Variants in ERN1 observed in about 807,000 individuals in gnomAD.
ERN1 encodes the protein serine/threonine-protein kinase/endoribonuclease IRE1.
A neutral mutation model predicts 113.1 loss-of-function variants in ERN1; 39 were observed. The ratio of observed to expected loss-of-function variants is 0.34; its 90% CI spans 0.27 to 0.45. The LOEUF is 0.45. Ranked by LOEUF, ERN1 falls within the 20% of genes least tolerant of loss-of-function variation. The pLI, the probability that ERN1 is intolerant of heterozygous loss-of-function variation, is 1.00. For missense variants in ERN1, 976 were observed against 1,274.8 expected, an observed-to-expected ratio of 0.77 and a Z score of 3.57; for synonymous variants, 507 against 515.9, an observed-to-expected ratio of 0.98 and a Z score of 0.23.
chr17:64,089,073 A>T (rs929073413), intron 2 of ERN1, among the ~76,000 whole-genome samples: 5 of 152,164 alleles, frequency 3.3e-5, no homozygotes, highest in African/African-American at 1.2e-4. Flanking sequence ...TAATCCCAGC[A>T]CTTTGGGAGG....
At position 64,063,904 on chromosome 17, in the gene ERN1, G is replaced by A. The variant is rs187066225; in HGVS notation, c.1087+82C>T. ...GCACAAGGCCTTCCGAGCTCAGTAC[G>A]GTGTAACTACCAGGGCCGGCGGTCG... On this transcript the variant is annotated intron_variant, in intron 10 of 21. Coordinates refer to ENST00000433197, the MANE Select transcript of ERN1 (RefSeq NM_001433.5). This position sits in a 1 kb window ranked among gnomAD's most constrained non-coding sequence, Gnocchi z 5.1. 5.8e-6 allele frequency: 8 copies of A among 1,369,590 alleles called. No individual in the cohort carries two copies. The highest frequency in any genetic ancestry group is 4.3e-5 in the African/African-American group (3 of 70,380). 84.8% of individuals were successfully genotyped at this position (1,369,590 alleles called of 1,614,324 possible).
At chr17:64,060,353 C>T (rs1913013968) in intron 11 of ERN1, 116 bp downstream of exon 11, 1 of 703,680 alleles carries the variant, frequency 1.4e-6, no homozygotes, top group Non-Finnish European at 2.6e-6. Flanking sequence ...GATTCTGGTG[C>T]ATTCCTCTTC....
At chr17:64,078,478 T>A (rs1051877025) in intron 4 of ERN1, among the ~76,000 whole-genome samples, 2 of 152,234 alleles carry the variant, frequency 1.3e-5, no homozygotes, top group African/African-American at 4.8e-5. Context: ...ATCAATATAT[T>A]GATTTTTTCC....
chr17:64,094,390 ATTTG>A (rs2143445445), intron 2 of ERN1, among the ~76,000 whole-genome samples: 1 of 152,072 alleles, frequency 6.6e-6, no homozygotes, highest in African/African-American at 2.4e-5. Flanking sequence ...CTTTCCTATT[ATTTG>A]TTTTAGATTA....
chr17:64,119,667 C>T (rs1022750247), intron 1 of ERN1, among the ~76,000 whole-genome samples: 3 of 151,996 alleles, frequency 2.0e-5, no homozygotes, highest in African/African-American at 7.2e-5. Context: ...GCTGGGATTA[C>T]AGGCATGAGC....
chr17:64,080,161 G>C (rs1213641003), intron 3 of ERN1, among the ~76,000 whole-genome samples: 3 of 152,308 alleles, frequency 2.0e-5, no homozygotes, highest in African/African-American at 4.8e-5. Flanking sequence ...TCTGCTTTTA[G>C]TTTTCAAGAG....
In ERN1 at chr17:64,041,005, G is replaced by C. The variant is rs982305384; in HGVS notation, c.*2983C>G. On this transcript the variant is annotated 3_prime_UTR_variant, in exon 22 of 22. Coordinates refer to ENST00000433197, the MANE Select transcript of ERN1 (RefSeq NM_001433.5). ...CTAAAAAAAATATAAAAAATTAGCCGAGCGTGGTGGCACACACCTGTAATC... is the reference window on the plus strand; with the variant it reads ...CTAAAAAAAATATAAAAAATTAGCCCAGCGTGGTGGCACACACCTGTAATC... 2 of 152,120 alleles carry C rather than the reference G, an allele frequency of 1.3e-5. No homozygotes were observed. The highest frequency in any genetic ancestry group is 2.9e-5 in the Non-Finnish European group (2 of 68,038). The allele number at this position is 152,120 out of a possible 1,614,324, so 9.4% of individuals were successfully genotyped here. A position where few individuals can be genotyped will look rare whatever the true frequency, so the allele number is the denominator to read the frequency against.
In ERN1 at chr17:64,057,957, G is replaced by C. The variant is rs1401074243; in HGVS notation, c.1243C>G (p.Pro415Ala). The C allele has an allele frequency of 1.3e-6, 2 of 1,596,984 alleles. No homozygotes were observed. Among genetic ancestry groups the C allele is most frequent in the East Asian group, 4.5e-5 (2 of 44,474 alleles). Residue 415 changes from proline to alanine, a missense_variant, in exon 12 of 22, where the codon CCT becomes GCT. Transcript: ENST00000433197. ...NLVDQTSENA[P>A]TTVSRDVEEK... The stretch of plus-strand genomic sequence containing the variant: ...TCCACATCCCGAGACACGGTGGTAG[G>C]TGCGTTTTCTGAAGTCTGGTCAACC...
Position 64,052,998 on chromosome 17 carries a change from T to A in ERN1, c.2054-19A>T, listed in dbSNP as rs1598046718. The A allele has an allele frequency of 6.3e-7, 1 of 1,583,544 alleles. No homozygotes were observed. Among genetic ancestry groups the A allele is most frequent in the East Asian group, 2.3e-5 (1 of 43,840 alleles). On this transcript the variant is annotated intron_variant, in intron 16 of 21. Transcript: ENST00000433197. ...CTGTGAACTAACAGAGAACTCCAGA[T>A]TAGTCCAATGCTTACCAGGAGCAAC...
At chr17:64,048,236 G>A (rs912506807) in intron 18 of ERN1, among the ~76,000 whole-genome samples, 14 of 152,180 alleles carry the variant, frequency 9.2e-5, no homozygotes, top group African/African-American at 2.9e-4. Context: ...GCCTCCCTAC[G>A]CTGGGCCATG....
At chr17:64,066,642 C>A (rs1184386990) in intron 8 of ERN1, 29 bp downstream of exon 8, 7 of 1,610,632 alleles carry the variant, frequency 4.3e-6, no homozygotes, top group Middle Eastern at 1.7e-4. Flanking sequence ...GCCACGGCCG[C>A]CCTCTCCTTC....
intron 1 of ERN1, among the ~76,000 whole-genome samples, chr17:64,118,800 G>T (rs1344281402): frequency 6.6e-6 from 1 of 152,150 alleles, no homozygotes; most frequent in Non-Finnish European, 1.5e-5. Flanking sequence ...CCCTTCGAGG[G>T]AACTCTGCCT....
At chr17:64,078,572 C>G (rs555230973) in intron 4 of ERN1, among the ~76,000 whole-genome samples, 14 of 151,914 alleles carry the variant, frequency 9.2e-5, no homozygotes, top group Middle Eastern at 3.4e-3. Context: ...TACTTTTTTT[C>G]TTAAAGCTTT....
intron 12 of ERN1, 51 bp downstream of exon 12, chr17:64,057,751 A>C: frequency 1.3e-6 from 2 of 1,527,716 alleles, no homozygotes; most frequent in South Asian, 2.3e-5. Context: ...GGCGACAGGC[A>C]GAGAAGCCCC....
intron 2 of ERN1, among the ~76,000 whole-genome samples, chr17:64,096,340 G>C (rs1449698376): frequency 6.6e-6 from 1 of 152,198 alleles, no homozygotes; most frequent in Admixed American, 6.5e-5. Context: ...AGTGTGGCAT[G>C]TTTCTTATGA....
In ERN1 at chr17:64,054,823, C is replaced by T; in HGVS notation, c.1678G>A (p.Glu560Lys). ...TTCCCAACTATCACCACGCTGGTTT[C>T]CTCATCTGGGACAAAATAGGAAAAA... ...PSLEQDDGDE[E>K]TSVVIVGKIS... The change falls in exon 14 of 22, where the codon GAA becomes AAA. Residue 560 changes from glutamate (E) to lysine (K), a missense_variant. Physicochemically the swap from Glu to Lys is moderately conservative, Grantham distance 56 (BLOSUM62 1). Coordinates refer to ENST00000433197, the MANE Select transcript of ERN1 (RefSeq NM_001433.5). The surrounding 1 kb of genome is among the most constrained non-coding windows in gnomAD (Gnocchi z 4.9). 1 of 1,606,118 alleles carries T rather than the reference C, an allele frequency of 6.2e-7. No homozygotes were observed. Among genetic ancestry groups the T allele is most frequent in the Non-Finnish European group, 8.5e-7 (1 of 1,176,122 alleles).
At position 64,130,059 on chromosome 17, in the gene ERN1, G is replaced by T; in HGVS notation, c.-30C>A. 7.3e-7 allele frequency: 1 copy of T among 1,376,752 alleles called. No homozygotes were observed. The highest frequency in any genetic ancestry group is 3.0e-5 in the East Asian group (1 of 32,900). 85.3% of individuals were successfully genotyped at this position (1,376,752 alleles called of 1,614,324 possible). A position where few individuals can be genotyped will look rare whatever the true frequency, so the allele number is the denominator to read the frequency against. On this transcript the variant is annotated 5_prime_UTR_variant, in exon 1 of 22. Transcript: ENST00000433197. This position sits in a 1 kb window ranked among gnomAD's most constrained non-coding sequence, Gnocchi z 4.0. ...AGGACTCGGCCCTGGCTCCGGGGGC[G>T]GTACGGACAGAGGACGGGGCGGGGG... is the stretch of plus-strand genomic sequence containing the variant.
At position 64,054,869 on chromosome 17, in the gene ERN1, T is replaced by C. The variant is rs1912806675; in HGVS notation, c.1673-41A>G. 5 of 1,451,824 alleles carry C rather than the reference T, an allele frequency of 3.4e-6. No homozygotes were observed. Among genetic ancestry groups the C allele is most frequent in the Non-Finnish European group, 4.8e-6 (5 of 1,052,040 alleles). 89.9% of individuals were successfully genotyped at this position (1,451,824 alleles called of 1,614,324 possible). A position where few individuals can be genotyped will look rare whatever the true frequency, so the allele number is the denominator to read the frequency against. ...AAAAAGAGATTGTTTCAAACAGATATCACCTAAAGAACCTTGAGGTTAACA... is the reference window on the plus strand; with the variant it reads ...AAAAAGAGATTGTTTCAAACAGATACCACCTAAAGAACCTTGAGGTTAACA... On this transcript the variant is annotated intron_variant, in intron 13 of 21. Transcript: ENST00000433197. The surrounding 1 kb of genome is among the most constrained non-coding windows in gnomAD (Gnocchi z 4.9).
In ERN1 at chr17:64,054,595, G is replaced by A. The variant is rs540782037; in HGVS notation, c.1763+143C>T. 2.5e-5 allele frequency: 25 copies of A among 988,220 alleles called. No homozygotes were observed. The highest frequency in any genetic ancestry group is 3.6e-5 in the Non-Finnish European group (24 of 670,462). The allele number at this position is 988,220 out of a possible 1,614,324, so 61.2% of individuals were successfully genotyped here. A position where few individuals can be genotyped will look rare whatever the true frequency, so the allele number is the denominator to read the frequency against. On this transcript the variant is annotated intron_variant, in intron 14 of 21. Coordinates refer to ENST00000433197, the MANE Select transcript of ERN1 (RefSeq NM_001433.5). This position sits in a 1 kb window ranked among gnomAD's most constrained non-coding sequence, Gnocchi z 4.9. ...CCCCGGAATCATCGCTTGTCTCAGT[G>A]TGCAAGCTCCCTGGAGGCCGGACTC...
Sources: allele counts gnomAD v4.1 joint callset (sites outside exome capture counted in the v4.1 genomes callset), GRCh38; gene constraint gnomAD v4.1.1; non-coding constraint Gnocchi (gnomAD v3.1); transcripts MANE v1.5; gene names NCBI Gene and HGNC (gene_info 2026-07-23, HGNC 2026-07-21).